Variants in NBEAL1 observed in about 807,000 individuals in gnomAD.
NBEAL1 encodes neurobeachin like 1, also known as neurobeachin-like protein 1.
NBEAL1 carries 273 observed loss-of-function variants against 351.3 expected under a neutral mutation model. The ratio of observed to expected loss-of-function variants is 0.78; its 90% CI spans 0.70 to 0.86. NBEAL1 has a LOEUF of 0.86. NBEAL1 is among the 40% of genes least tolerant of loss of function. The pLI is 0.00. For synonymous variants in NBEAL1, 1,050 were observed against 1,086.4 expected (o/e 0.97, Z 0.66); for missense variants, 2,961 against 3,201.3 (o/e 0.92, Z 1.81).
chr2:203,188,735 C>A, intron 45 of NBEAL1, 146 bp downstream of exon 45: 1 of 537,442 alleles, frequency 1.9e-6, no homozygotes, highest in South Asian at 3.4e-5. Context: ...GAGACTGCTG[C>A]TTTTTTTGTA....
intron 2 of NBEAL1, among the ~76,000 whole-genome samples, chr2:203,019,527 T>C (rs2060733666): frequency 6.6e-6 from 1 of 152,226 alleles, no homozygotes; most frequent in African/African-American, 2.4e-5. Flanking sequence ...CAAAACATTG[T>C]ATACATACCT....
chr2:203,102,103 C>T (rs904988582), intron 12 of NBEAL1, among the ~76,000 whole-genome samples: 2 of 152,112 alleles, frequency 1.3e-5, no homozygotes, highest in Non-Finnish European at 2.9e-5. Context: ...TGATTTGGCT[C>T]TTAGCTTGGA....
intron 8 of NBEAL1, 80 bp from the exon 9 acceptor site, chr2:203,083,139 A>T (rs2061902225): frequency 1.6e-6 from 2 of 1,229,264 alleles, no homozygotes; most frequent in Non-Finnish European, 2.2e-6. Flanking sequence ...TTGCCTGCAG[A>T]TGTATTAAAT....
chr2:203,113,824 T>C (rs1327324390), intron 17 of NBEAL1, among the ~76,000 whole-genome samples: 4 of 145,358 alleles, frequency 2.8e-5, no homozygotes, highest in East Asian at 2.0e-4. Flanking sequence ...TGTCTCTCTT[T>C]TTTTTTTTTT....
At chr2:203,022,090 C>T (rs2060782284) in intron 2 of NBEAL1, among the ~76,000 whole-genome samples, 3 of 151,422 alleles carry the variant, frequency 2.0e-5, no homozygotes, top group South Asian at 4.2e-4. Flanking sequence ...AGACATGTAT[C>T]ATAAATTCCC....
intron 34 of NBEAL1, among the ~76,000 whole-genome samples, chr2:203,150,048 T>G (rs191491858): frequency 6.6e-6 from 1 of 152,290 alleles, no homozygotes; most frequent in East Asian, 1.9e-4. Flanking sequence ...GTTTGAACAC[T>G]TGTTTTTAAT....
chr2:203,047,992 A>G (rs1000648237), intron 3 of NBEAL1, among the ~76,000 whole-genome samples: 8 of 152,062 alleles, frequency 5.3e-5, no homozygotes, highest in African/African-American at 1.5e-4. Context: ...CATAGGTTTC[A>G]ACCAGGTATA....
At chr2:203,070,209 G>C (rs944063950) in intron 7 of NBEAL1, among the ~76,000 whole-genome samples, 1 of 150,656 alleles carries the variant, frequency 6.6e-6, no homozygotes, top group African/African-American at 2.4e-5. Flanking sequence ...TTTTTTTAAT[G>C]TACTTTTACT....
intron 31 of NBEAL1, among the ~76,000 whole-genome samples, chr2:203,143,298 G>T (rs931554042): frequency 6.7e-6 from 1 of 149,178 alleles, no homozygotes; most frequent in Non-Finnish European, 1.5e-5. Context: ...TCTTTGTCTG[G>T]GCTTGTGCCC....
chr2:203,162,141 A>G (rs773513879), intron 36 of NBEAL1, among the ~76,000 whole-genome samples: 39 of 147,216 alleles, frequency 2.6e-4, no homozygotes, highest in Non-Finnish European at 4.9e-4. Flanking sequence ...CTCGTGCCTC[A>G]GCCTCTCAAG....
At chr2:203,167,006 T>A (rs2064153139) in intron 37 of NBEAL1, among the ~76,000 whole-genome samples, 2 of 152,228 alleles carry the variant, frequency 1.3e-5, no homozygotes, top group Admixed American at 1.3e-4. Flanking sequence ...TATTCAGAAT[T>A]ATATTGTATT....
At chr2:203,119,631 G>C (rs1341426263) in intron 18 of NBEAL1, among the ~76,000 whole-genome samples, 1 of 151,856 alleles carries the variant, frequency 6.6e-6, no homozygotes, top group Non-Finnish European at 1.5e-5. Flanking sequence ...TCACCATGAT[G>C]GTCAGGCTAG....
At chr2:203,143,696 G>C (rs1385660316) in intron 31 of NBEAL1, among the ~76,000 whole-genome samples, 1 of 152,140 alleles carries the variant, frequency 6.6e-6, no homozygotes, top group Non-Finnish European at 1.5e-5. Flanking sequence ...TTGGTAGACA[G>C]TTCTCCATGG....
At chr2:203,193,711 C>G (rs1394033821) in intron 46 of NBEAL1, 84 bp from the exon 47 acceptor site, 2 of 841,948 alleles carry the variant, frequency 2.4e-6, no homozygotes, top group African/African-American at 3.4e-5. Context: ...TTCATTGTAG[C>G]TAGAGCCTAG....
intron 9 of NBEAL1, 62 bp from the exon 10 acceptor site, chr2:203,084,395 TAGAGTA>T: frequency 3.0e-6 from 2 of 672,694 alleles, no homozygotes; most frequent in Non-Finnish European, 4.6e-6. Context: ...GAAAAATGAT[TAGAGTA>T]AATGTTTGTA....
At position 203,095,688 on chromosome 2, in the gene NBEAL1, T is replaced by C. The variant is rs142076198; in HGVS notation, c.1099-1859T>C. ...CTGACCAGTTTTATCTGACTATTTG[T>C]TTCCCTTGACCTAAATATGAAATAT... On this transcript the variant is annotated intron_variant, in intron 10 of 55. Coordinates refer to ENST00000683969, the MANE Select transcript of NBEAL1 (RefSeq NM_001378026.1). Among the ~76,000 whole-genome samples the C allele has an allele frequency of 1.7e-4, 26 of 152,380 alleles. 1 individual carries two copies. The East Asian group carries it at 5.0e-3, about 29-fold the overall frequency.
chr2:203,107,024 A>ATATCTGACTCCTCTTACC (rs1165038895), intron 12 of NBEAL1, among the ~76,000 whole-genome samples: 3 of 152,128 alleles, frequency 2.0e-5, no homozygotes, highest in African/African-American at 7.2e-5. Flanking sequence ...TTTTAGGCTG[A>ATATCTGACTCCTCTTACC]TATCTGACTC....
chr2:203,140,088 G>C (rs1201288976), intron 31 of NBEAL1, among the ~76,000 whole-genome samples: 5 of 151,736 alleles, frequency 3.3e-5, no homozygotes, highest in Non-Finnish European at 7.4e-5. Context: ...ATCACCTGAG[G>C]TCCGAAGTTT....
At chr2:203,161,463 T>C (rs1173994823) in intron 36 of NBEAL1, among the ~76,000 whole-genome samples, 1 of 150,526 alleles carries the variant, frequency 6.6e-6, no homozygotes, top group Non-Finnish European at 1.5e-5. Context: ...ACCCTGTCTC[T>C]ACTAGAAATA....
Sources: allele counts gnomAD v4.1 joint callset (sites outside exome capture counted in the v4.1 genomes callset), GRCh38; gene constraint gnomAD v4.1.1; transcripts MANE v1.5; gene names NCBI Gene and HGNC (gene_info 2026-07-23, HGNC 2026-07-21).